SSBP3: variants seen among roughly 807,000 people sequenced by gnomAD.
SSBP3 encodes single-stranded DNA-binding protein 3.
Under a neutral mutation model 69.6 loss-of-function variants are expected in SSBP3, and 5 were observed. That is an observed-to-expected ratio of 0.07 (90% CI 0.04 to 0.15). The LOEUF (loss-of-function observed/expected upper bound fraction) is 0.15. Among genes scored for constraint, SSBP3 ranks in the 10% least tolerant of loss-of-function variants. The pLI is 1.00. For synonymous variants in SSBP3, 196 were observed against 193.4 expected (o/e 1.01, Z -0.11); for missense variants, 312 against 534.0 (o/e 0.58, Z 4.10).
chr1:54,402,499 C>A (rs1649384033), intron 3 of SSBP3, among the ~76,000 whole-genome samples: 1 of 152,142 alleles, frequency 6.6e-6, no homozygotes, highest in Non-Finnish European at 1.5e-5. Flanking sequence ...CCAGAGCCCG[C>A]ACCTCCACCC....
chr1:54,391,484 C>T (rs188782030), intron 4 of SSBP3, among the ~76,000 whole-genome samples: 15 of 152,350 alleles, frequency 9.8e-5, no homozygotes, highest in Admixed American at 2.0e-4. Flanking sequence ...CTCTGCCCCT[C>T]TCAGAGCTCA....
chr1:54,392,982 T>C (rs1311368941), intron 4 of SSBP3, among the ~76,000 whole-genome samples: 1 of 152,160 alleles, frequency 6.6e-6, no homozygotes, highest in Non-Finnish European at 1.5e-5. Flanking sequence ...CATTCCAGGC[T>C]AGCATTGGCT....
intron 4 of SSBP3, among the ~76,000 whole-genome samples, chr1:54,318,492 G>A (rs904463918): frequency 6.6e-6 from 1 of 151,946 alleles, no homozygotes; most frequent in African/African-American, 2.4e-5. Flanking sequence ...AGCCAATTCT[G>A]CTTTCCTCAC....
At chr1:54,239,699 C>T (rs969429756) in intron 13 of SSBP3, among the ~76,000 whole-genome samples, 3 of 152,156 alleles carry the variant, frequency 2.0e-5, no homozygotes, top group Non-Finnish European at 2.9e-5. Flanking sequence ...TGCATGTGGC[C>T]CAGTCGGAAT....
intron 5 of SSBP3, among the ~76,000 whole-genome samples, chr1:54,277,038 A>C (rs192298056): frequency 4.3e-4 from 66 of 152,234 alleles, no homozygotes; most frequent in Non-Finnish European, 8.8e-5. Context: ...TGGTTGATTC[A>C]GTTCGAGCCT....
chr1:54,247,320 G>A (rs941675999), intron 9 of SSBP3, among the ~76,000 whole-genome samples: 2 of 152,300 alleles, frequency 1.3e-5, no homozygotes, highest in South Asian at 4.1e-4. Context: ...TCCCTTAGGG[G>A]ATAGCTCTCC....
At chr1:54,406,049 C>CGCCGCA (rs1313841796) in exon 1 of SSBP3, 1 of 1,423,096 alleles carries the variant, frequency 7.0e-7, no homozygotes, top group African/African-American at 1.5e-5. Context: ...CCGCCGCCGC[C>CGCCGCA]GCCGCCGCCG....
chr1:54,303,993 G>GT (rs1311417460), intron 4 of SSBP3, among the ~76,000 whole-genome samples: 6 of 152,134 alleles, frequency 3.9e-5, no homozygotes, highest in African/African-American at 1.4e-4. Flanking sequence ...CTGCCTCCAC[G>GT]TGTTTGCAGA....
At chr1:54,246,978 C>G (rs1423955553) in intron 9 of SSBP3, among the ~76,000 whole-genome samples, 1 of 152,234 alleles carries the variant, frequency 6.6e-6, no homozygotes, top group Admixed American at 6.5e-5. Flanking sequence ...GGTTACCAAC[C>G]AGGTATCCCT....
At chr1:54,227,187 GGGGGT>G in intron 17 of SSBP3, 27 bp from the exon 18 acceptor site, 1 of 1,145,972 alleles carries the variant, frequency 8.7e-7, no homozygotes, top group Non-Finnish European at 1.3e-6. Context: ...GAGAAGGGGG[GGGGGT>G]GAGGATTGTG....
chr1:54,316,647 C>CAA (rs1199647407), intron 4 of SSBP3, among the ~76,000 whole-genome samples: 4,060 of 33,724 alleles, frequency 0.12, 213 homozygotes, highest in Middle Eastern at 0.2. Context: ...GACTCCGTCT[C>CAA]AAAAAAAAAA....
intron 1 of SSBP3, 142 bp from the exon 2 acceptor site, chr1:54,405,072 CCCAAACAGGGCCG>C: frequency 1.4e-6 from 1 of 739,278 alleles, no homozygotes; most frequent in Middle Eastern, 3.7e-4. Context: ...GCTAGCTCAC[CCCAAACAGGGCCG>C]CCAGGTGCGA....
chr1:54,358,720 T>A (rs533705393), intron 4 of SSBP3, among the ~76,000 whole-genome samples: 1 of 152,126 alleles, frequency 6.6e-6, no homozygotes, highest in Non-Finnish European at 1.5e-5. Flanking sequence ...CAAGAGAGGA[T>A]TGCAAGTGGG....
intron 4 of SSBP3, chr1:54,286,979 G>T (rs1049051069): frequency 1.3e-5 from 2 of 152,222 alleles, no homozygotes; most frequent in African/African-American, 4.8e-5. Context: ...CCCACCCTGA[G>T]AGAGAAGCAT....
intron 4 of SSBP3, among the ~76,000 whole-genome samples, chr1:54,304,256 C>CG (rs112793253): frequency 5.3e-5 from 8 of 152,274 alleles, no homozygotes; most frequent in African/African-American, 1.7e-4. Flanking sequence ...TGTGAACAGG[C>CG]GGCGAGGCTG....
chr1:54,257,753 C>T (rs183880634), intron 6 of SSBP3, among the ~76,000 whole-genome samples: 3 of 152,150 alleles, frequency 2.0e-5, no homozygotes, highest in East Asian at 1.9e-4. Context: ...GATGCAGCTT[C>T]GGTTACAAAC....
In SSBP3 at chr1:54,266,865, C is replaced by A. The variant is rs150114771; in HGVS notation, c.367-8716G>T. On this transcript the variant is annotated intron_variant, in intron 5 of 17. Coordinates refer to ENST00000610401, the Ensembl canonical transcript of SSBP3. ...AGCCCTGGTCTCTTGGCCACTGCTCCCGAATACAGTGATAGTGCATCATCG... is the reference window on the plus strand; with the variant it reads ...AGCCCTGGTCTCTTGGCCACTGCTCACGAATACAGTGATAGTGCATCATCG... 1.2e-4 allele frequency among the ~76,000 whole-genome samples: 18 copies of A among 152,324 alleles called. No individual in the cohort carries two copies. The East Asian group carries it at 3.3e-3, about 28-fold the overall frequency.
chr1:54,298,680 G>A (rs1171753490), intron 4 of SSBP3, among the ~76,000 whole-genome samples: 1 of 152,066 alleles, frequency 6.6e-6, no homozygotes, highest in Non-Finnish European at 1.5e-5. Context: ...ATCTCTAGAA[G>A]AGAGGACTTG....
At chr1:54,300,936 C>T (rs1440465547) in intron 4 of SSBP3, among the ~76,000 whole-genome samples, 1 of 152,240 alleles carries the variant, frequency 6.6e-6, no homozygotes, top group South Asian at 2.1e-4. Context: ...CTGATATCCA[C>T]GGGCATTTCC....
Sources: allele counts gnomAD v4.1 joint callset (sites outside exome capture counted in the v4.1 genomes callset), GRCh38; gene constraint gnomAD v4.1.1; transcripts MANE v1.5; gene names NCBI Gene and HGNC (gene_info 2026-07-23, HGNC 2026-07-21).